COMMD1: variants seen among roughly 807,000 people sequenced by gnomAD.
COMMD1 encodes copper metabolism domain containing 1.
COMMD1 carries 10 observed loss-of-function variants against 17.2 expected under a neutral mutation model. That is an observed-to-expected ratio of 0.58 (90% CI 0.36 to 0.99). The LOEUF (loss-of-function observed/expected upper bound fraction) is 0.99. Among genes scored for constraint, COMMD1 ranks in the 50% least tolerant of loss-of-function variants. The pLI is 0.01. For synonymous variants in COMMD1, 97 were observed against 91.6 expected, an observed-to-expected ratio of 1.06 and a Z score of -0.34; for missense variants, 270 against 231.8, an observed-to-expected ratio of 1.17 and a Z score of -1.07.
At chr2:62,123,094 T>G (rs1239264776) in intron 2 of COMMD1, among the ~76,000 whole-genome samples, 1 of 152,184 alleles carries the variant, frequency 6.6e-6, no homozygotes, top group Non-Finnish European at 1.5e-5. Context: ...TGTGTTGGCA[T>G]GCACCTATAA....
intron 1 of COMMD1, among the ~76,000 whole-genome samples, chr2:61,964,715 T>TA (rs1375862172): frequency 6.6e-6 from 1 of 152,142 alleles, no homozygotes; most frequent in Non-Finnish European, 1.5e-5. Context: ...GTGTTTGTGA[T>TA]AAAGAATTGA....
intron 2 of COMMD1, among the ~76,000 whole-genome samples, chr2:62,026,036 G>C (rs2103865316): frequency 6.6e-6 from 1 of 152,160 alleles, no homozygotes; most frequent in South Asian, 2.1e-4. Context: ...TAGGGAAACG[G>C]GCATGGAGAG....
intron 1 of COMMD1, among the ~76,000 whole-genome samples, chr2:61,898,151 G>C (rs1669590315): frequency 6.6e-6 from 1 of 152,294 alleles, no homozygotes; most frequent in African/African-American, 2.4e-5. Context: ...ATCTCCTGGA[G>C]CCAAGAAGAA....
chr2:61,966,647 A>G (rs924760811), intron 1 of COMMD1, among the ~76,000 whole-genome samples: 3 of 151,330 alleles, frequency 2.0e-5, no homozygotes, highest in Non-Finnish European at 2.9e-5. Context: ...CAGGTGGCAA[A>G]AAGAGGACTA....
chr2:61,905,536 C>G, upstream of COMMD1: 1 of 738,008 alleles, frequency 1.4e-6, no homozygotes, highest in Non-Finnish European at 2.2e-6. Flanking sequence ...AAGCTGTAAG[C>G]TGCCAACTCT....
At chr2:62,003,621 C>CACACAT (rs1167526660) in intron 2 of COMMD1, among the ~76,000 whole-genome samples, 4 of 151,460 alleles carry the variant, frequency 2.6e-5, no homozygotes, top group Non-Finnish European at 5.9e-5. Flanking sequence ...CACACACACA[C>CACACAT]ACACACACAC....
chr2:61,994,211 T>A (rs1428128783), intron 1 of COMMD1, among the ~76,000 whole-genome samples: 1 of 152,134 alleles, frequency 6.6e-6, no homozygotes, highest in African/African-American at 2.4e-5. Context: ...GGTCATGAAC[T>A]CCTGACCTCA....
At chr2:61,970,248 G>A (rs1558541901) in intron 1 of COMMD1, among the ~76,000 whole-genome samples, 1 of 149,990 alleles carries the variant, frequency 6.7e-6, no homozygotes, top group African/African-American at 2.5e-5. Flanking sequence ...GGCAACAAGA[G>A]GGAAACTCCA....
chr2:62,114,350 C>T (rs893222547), intron 2 of COMMD1, among the ~76,000 whole-genome samples: 2 of 152,182 alleles, frequency 1.3e-5, no homozygotes, highest in Middle Eastern at 3.4e-3. Flanking sequence ...GATTATTATA[C>T]TAAAACAATA....
chr2:62,040,437 A>G (rs1311827635), intron 2 of COMMD1, among the ~76,000 whole-genome samples: 1 of 152,210 alleles, frequency 6.6e-6, no homozygotes, highest in African/African-American at 2.4e-5. Flanking sequence ...TTTATAAAAT[A>G]TATCTTTTAC....
At chr2:61,888,398 T>C (rs1428240516), upstream of COMMD1, 5 of 1,612,974 alleles carry the variant, frequency 3.1e-6, no homozygotes, top group African/African-American at 4.0e-5. Context: ...GGCGGAAATG[T>C]TGCTGAAGCG....
upstream of COMMD1, chr2:61,888,639 G>A: frequency 9.3e-7 from 1 of 1,074,018 alleles, no homozygotes; most frequent in South Asian, 1.7e-5. Context: ...GCGTCGGGAG[G>A]AGGCGGAGGC....
chr2:61,891,059 T>G (rs1005709892), intron 1 of COMMD1, among the ~76,000 whole-genome samples: 1 of 152,194 alleles, frequency 6.6e-6, no homozygotes. Flanking sequence ...GCTCTGCTAC[T>G]TATTAGCTAT....
At chr2:61,945,617 A>AC (rs1670884458) in intron 1 of COMMD1, among the ~76,000 whole-genome samples, 1 of 152,370 alleles carries the variant, frequency 6.6e-6, no homozygotes, top group African/African-American at 2.4e-5. Context: ...GGATGCAGCC[A>AC]CGACATAGCC....
At chr2:62,041,898 G>T (rs1441789395) in intron 2 of COMMD1, among the ~76,000 whole-genome samples, 1 of 152,234 alleles carries the variant, frequency 6.6e-6, no homozygotes, top group Non-Finnish European at 1.5e-5. Flanking sequence ...GACCCAAAGA[G>T]TGAGCAGCAG....
intron 2 of COMMD1, among the ~76,000 whole-genome samples, chr2:62,014,594 C>A (rs941867688): frequency 5.4e-5 from 6 of 110,500 alleles, no homozygotes; most frequent in African/African-American, 2.4e-4. Context: ...CAGAGTCTTG[C>A]TCTGTCACCC....
chr2:61,978,190 G>A lies in COMMD1; in HGVS notation c.181-22511G>A, dbSNP rs188347729. Among the ~76,000 whole-genome samples the A allele has an allele frequency of 5.3e-5, 8 of 152,220 alleles. No individual in the cohort carries two copies. The East Asian group carries it at 1.4e-3, about 26-fold the overall frequency. On this transcript the variant is annotated intron_variant, in intron 1 of 2. Coordinates refer to ENST00000311832, the MANE Select transcript of COMMD1 (RefSeq NM_152516.4). The stretch of plus-strand genomic sequence containing the variant: ...TTATTGCTAGATGCCATTTATCCAC[G>A]TTTGTTTGTTGTAATCACCAAGCCT...
chr2:62,072,047 T>A (rs1054438804), intron 2 of COMMD1, among the ~76,000 whole-genome samples: 9 of 152,112 alleles, frequency 5.9e-5, no homozygotes, highest in Non-Finnish European at 1.0e-4. Flanking sequence ...AGCCTCACTC[T>A]AGTATAGTAT....
intron 2 of COMMD1, among the ~76,000 whole-genome samples, chr2:62,037,820 G>T (rs1670080383): frequency 6.6e-6 from 1 of 152,176 alleles, no homozygotes. Flanking sequence ...TGAAACCACT[G>T]GATTAGTAGA....
Sources: allele counts gnomAD v4.1 joint callset (sites outside exome capture counted in the v4.1 genomes callset), GRCh38; gene constraint gnomAD v4.1.1; transcripts MANE v1.5; gene names NCBI Gene and HGNC (gene_info 2026-07-23, HGNC 2026-07-21).